The following NTSR1 variants were observed in gnomAD, a reference collection of about 807,000 sequenced individuals.
The protein encoded by NTSR1 is neurotensin receptor 1, also known as neurotensin receptor type 1.
A neutral mutation model predicts 31.2 loss-of-function variants in NTSR1; 29 were observed. The ratio of observed to expected loss-of-function variants is 0.93; its 90% confidence interval spans 0.69 to 1.27. The LOEUF (loss-of-function observed/expected upper bound fraction) is 1.27, where lower values mean the gene tolerates loss of function less well. NTSR1 is among the 50% of genes most tolerant of loss of function. The pLI is 0.00. For missense variants in NTSR1, 697 were observed against 595.4 expected (o/e 1.17, Z -1.78); for synonymous variants, 282 against 269.9 (o/e 1.04, Z -0.44).
Position 62,744,176 on chromosome 20 carries a change from C to G in NTSR1, c.715-10509C>G, listed in dbSNP as rs1989255336. Among the ~76,000 whole-genome samples, 1 of 152,210 alleles carries G rather than the reference C, an allele frequency of 6.6e-6. No individual in the cohort carries two copies. Among genetic ancestry groups the G allele is most frequent in the South Asian group, 2.1e-4 (1 of 4,824 alleles). ...TCCCAAGCCGCAGTCCTGTGCCCCC[C>G]AATTTGCTTCCTTTCCCACACCCAA... is the stretch of plus-strand genomic sequence containing the variant. On this transcript the variant is annotated intron_variant, in intron 1 of 3. Coordinates refer to ENST00000370501, the MANE Select transcript of NTSR1 (RefSeq NM_002531.3). The surrounding 1 kb of genome is among the most constrained non-coding windows in gnomAD (Gnocchi z 4.1).
intron 1 of NTSR1, among the ~76,000 whole-genome samples, chr20:62,752,001 G>T (rs527849838): frequency 6.6e-6 from 1 of 152,198 alleles, no homozygotes; most frequent in Non-Finnish European, 1.5e-5. Flanking sequence ...CAAGGCTGAC[G>T]CTCCCTTGTC....
At chr20:62,713,452 G>A (rs550670638) in intron 1 of NTSR1, among the ~76,000 whole-genome samples, 3 of 152,168 alleles carry the variant, frequency 2.0e-5, no homozygotes, top group South Asian at 2.1e-4. Context: ...GCAGAATTCC[G>A]GGAAAGGAGA....
rs369814695 is a variant in NTSR1 at position 62,711,058 on chromosome 20, A to G, written c.714+1137A>G. Among the ~76,000 whole-genome samples the G allele has an allele frequency of 6.6e-6, 1 of 152,144 alleles. No individual in the cohort carries two copies. The highest frequency in any genetic ancestry group is 6.5e-5 in the Admixed American group (1 of 15,276). On this transcript the variant is annotated intron_variant, in intron 1 of 3. Coordinates refer to ENST00000370501, the MANE Select transcript of NTSR1 (RefSeq NM_002531.3). This position sits in a 1 kb window ranked among gnomAD's most constrained non-coding sequence, Gnocchi z 6.4. Reference sequence around the variant, plus strand: ...TATGCCAGTATGCCCGGTGGGGGTGAGGGCAGCAGTGCCGGGCAGGGGGTC... The same window carrying G: ...TATGCCAGTATGCCCGGTGGGGGTGGGGGCAGCAGTGCCGGGCAGGGGGTC...
In NTSR1 at chr20:62,754,781, G is replaced by T; in HGVS notation, c.811G>T (p.Ala271Ser). Residue 271 changes from alanine to serine, a missense_variant, in exon 2 of 4, where the codon GCC (alanine) becomes TCC (serine). Coordinates refer to ENST00000370501, the MANE Select transcript of NTSR1 (RefSeq NM_002531.3). ...GCTGACCGTCATGGTACGCCAGGCG[G>T]CCGAGCAGGGCCAAGTGTGCACGGT... Reference protein sequence around the residue: ...NKLTVMVRQAAEQGQVCTVGG... With the variant: ...NKLTVMVRQASEQGQVCTVGG... The T allele has an allele frequency of 6.2e-7, 1 of 1,611,926 alleles. No individual in the cohort carries two copies. Among genetic ancestry groups the T allele is most frequent in the Non-Finnish European group, 8.5e-7 (1 of 1,179,766 alleles).
chr20:62,737,602 C>T (rs1238185915), intron 1 of NTSR1, among the ~76,000 whole-genome samples: 6 of 152,138 alleles, frequency 3.9e-5, no homozygotes, highest in African/African-American at 1.2e-4. Flanking sequence ...TGAGGAGAGC[C>T]TGGAGAGAGA....
chr20:62,754,060 A>G (rs759527751), intron 1 of NTSR1, among the ~76,000 whole-genome samples: 2 of 152,190 alleles, frequency 1.3e-5, no homozygotes, highest in Non-Finnish European at 2.9e-5. Context: ...CAGGGTAGCT[A>G]TGATGACCCA....
At chr20:62,731,290 G>A (rs1162436630) in intron 1 of NTSR1, among the ~76,000 whole-genome samples, 1 of 152,070 alleles carries the variant, frequency 6.6e-6, no homozygotes, top group Non-Finnish European at 1.5e-5. Context: ...CTCCATGTTG[G>A]TCAGGCTGGT....
At position 62,710,325 on chromosome 20, in the gene NTSR1, G is replaced by T. The variant is rs117139035; in HGVS notation, c.714+404G>T. The stretch of plus-strand genomic sequence containing the variant: ...GAGAAGCCCCCAGACTGGCTCTGCC[G>T]GTGCCTCCCAGCTGCCTGCCCTGAC... On this transcript the variant is annotated intron_variant, in intron 1 of 3. Transcript: ENST00000370501. Among the ~76,000 whole-genome samples the T allele has an allele frequency of 2.9e-3, 440 of 152,310 alleles. 16 individuals are homozygous for T. The East Asian group carries it at 0.079, about 27-fold the overall frequency.
chr20:62,725,480 G>A (rs542623129), intron 1 of NTSR1, among the ~76,000 whole-genome samples: 6 of 152,238 alleles, frequency 3.9e-5, no homozygotes, highest in African/African-American at 7.2e-5. Flanking sequence ...GCTGCCTTCC[G>A]GTCCCATCAC....
chr20:62,754,699 G>T lies in NTSR1; in HGVS notation c.729G>T (p.Met243Ile). 6.2e-7 allele frequency: 1 copy of T among 1,612,512 alleles called. No homozygotes were observed. Among genetic ancestry groups the T allele is most frequent in the Non-Finnish European group, 8.5e-7 (1 of 1,179,734 alleles). The change falls in exon 2 of 4, where the codon ATG becomes ATT. Residue 243 changes from methionine (M) to isoleucine (I), a missense_variant. Coordinates refer to ENST00000370501, the MANE Select transcript of NTSR1 (RefSeq NM_002531.3). ...VKVVIQVNTF[M>I]SFIFPMVVIS... is the part of the protein sequence containing the mutation. ...CTCTCCTGCAGGTCAACACCTTCAT[G>T]TCCTTCATATTCCCCATGGTGGTCA...
intron 1 of NTSR1, among the ~76,000 whole-genome samples, chr20:62,725,739 A>T (rs1988895354): frequency 6.6e-6 from 1 of 151,288 alleles, no homozygotes; most frequent in African/African-American, 2.4e-5. Flanking sequence ...TATTGGTATC[A>T]CCCCCCACCT....
chr20:62,755,205 CTCCA>C lies in NTSR1; in HGVS notation c.916+331_916+334del, dbSNP rs150392063. Among the ~76,000 whole-genome samples, 436 of 139,648 alleles carry C rather than the reference CTCCA, an allele frequency of 3.1e-3. 2 individuals carry two copies. Among genetic ancestry groups the C allele is most frequent in the East Asian group, 0.016 (68 of 4,360 alleles). 91.6% of individuals were successfully genotyped at this position (139,648 alleles called of 152,430 possible). On this transcript the variant is annotated intron_variant, in intron 2 of 3. Transcript: ENST00000370501. ...CCCTCCCTCCTCCCTTCATCCCTCC[CTCCA>C]TCCATCCATCCTTCTCTCCCTCCTT...
chr20:62,751,761 C>T (rs1464774359), intron 1 of NTSR1, among the ~76,000 whole-genome samples: 4 of 152,326 alleles, frequency 2.6e-5, no homozygotes, highest in South Asian at 2.1e-4. Context: ...GGAGGGTGCA[C>T]GGCTCCCCAG....
At chr20:62,749,786 G>A (rs375076450) in intron 1 of NTSR1, among the ~76,000 whole-genome samples, 6 of 152,154 alleles carry the variant, frequency 3.9e-5, no homozygotes, top group African/African-American at 1.4e-4. Context: ...TCAAAAAGCC[G>A]GCAGATAACT....
chr20:62,720,248 C>T (rs973943060), intron 1 of NTSR1, among the ~76,000 whole-genome samples: 14 of 152,260 alleles, frequency 9.2e-5, no homozygotes, highest in Admixed American at 2.6e-4. Flanking sequence ...TGCAATGAAC[C>T]GAGATCACGC....
At chr20:62,729,516 G>C (rs1279910852) in intron 1 of NTSR1, among the ~76,000 whole-genome samples, 1 of 152,102 alleles carries the variant, frequency 6.6e-6, no homozygotes, top group Non-Finnish European at 1.5e-5. Flanking sequence ...TATAGCCTCA[G>C]GAATCTCCCC....
rs1226785086 is a variant in NTSR1, at chr20:62,733,292, A to C, written c.715-21393A>C. ...TGCACCTCCCAGGCACAGCTCTGGG[A>C]AGGCTGAAAATTAGCACCAATTAGG... On this transcript the variant is annotated intron_variant, in intron 1 of 3. Coordinates refer to ENST00000370501, the MANE Select transcript of NTSR1 (RefSeq NM_002531.3). This position sits in a 1 kb window ranked among gnomAD's most constrained non-coding sequence, Gnocchi z 5.2. 1 of 152,166 alleles carries C rather than the reference A, an allele frequency of 6.6e-6. No individual in the cohort carries two copies. Among genetic ancestry groups the C allele is most frequent in the Non-Finnish European group, 1.5e-5 (1 of 68,020 alleles). 9.4% of individuals were successfully genotyped at this position (152,166 alleles called of 1,614,324 possible).
In NTSR1 at chr20:62,762,334, C is replaced by G. The variant is rs1421892185; in HGVS notation, c.*2067C>G. 1 of 152,226 alleles carries G rather than the reference C, an allele frequency of 6.6e-6. No homozygotes were observed. The highest frequency in any genetic ancestry group is 2.4e-5 in the African/African-American group (1 of 41,436). The allele number at this position is 152,226 out of a possible 1,614,324, so 9.4% of individuals were successfully genotyped here. A position where few individuals can be genotyped will look rare whatever the true frequency, so the allele number is the denominator to read the frequency against. ...CTGTCCTGGAGGATCCACCCCGGAA[C>G]AGACAGAATGGTGTCTCTCAGGATG... On this transcript the variant is annotated 3_prime_UTR_variant, in exon 4 of 4. Transcript: ENST00000370501.
chr20:62,759,058 A>T (rs1416975219), intron 3 of NTSR1, among the ~76,000 whole-genome samples: 2 of 152,248 alleles, frequency 1.3e-5, no homozygotes, highest in Non-Finnish European at 2.9e-5. Flanking sequence ...CCAGCTGGCC[A>T]TCCTGAGATG....
Sources: allele counts gnomAD v4.1 joint callset (sites outside exome capture counted in the v4.1 genomes callset), GRCh38; gene constraint gnomAD v4.1.1; non-coding constraint Gnocchi (gnomAD v3.1); transcripts MANE v1.5; gene names NCBI Gene and HGNC (gene_info 2026-07-23, HGNC 2026-07-21).